KHDRBS2: variants seen among roughly 807,000 people sequenced by gnomAD.
KHDRBS2 encodes KH domain-containing, RNA-binding, signal transduction-associated protein 2.
Under a neutral mutation model 44.3 loss-of-function variants are expected in KHDRBS2, and 26 were observed. The ratio of observed to expected loss-of-function variants is 0.59; its 90% CI spans 0.43 to 0.81. The LOEUF (loss-of-function observed/expected upper bound fraction) is 0.81. Among genes scored for constraint, KHDRBS2 ranks in the 40% least tolerant of loss-of-function variants. The pLI, the probability that KHDRBS2 is intolerant of heterozygous loss-of-function variation, is 0.00. For synonymous variants in KHDRBS2, 194 were observed against 151.1 expected (o/e 1.28, Z -2.08); for missense variants, 476 against 433.1 (o/e 1.10, Z -0.88).
intron 4 of KHDRBS2, among the ~76,000 whole-genome samples, chr6:61,964,515 T>C (rs1769468408): frequency 6.6e-6 from 1 of 152,068 alleles, no homozygotes; most frequent in African/African-American, 2.4e-5. Context: ...CACTAGTGTA[T>C]TTACACATCG....
chr6:61,629,653 T>C, the KHDRBS2 span, among the ~76,000 whole-genome samples: 1 of 152,200 alleles, frequency 6.6e-6, no homozygotes, highest in East Asian at 1.9e-4. Flanking sequence ...ATTAGGTCTA[T>C]ATTTGCTTTA....
At chr6:62,140,963 C>T (rs769796479) in intron 2 of KHDRBS2, among the ~76,000 whole-genome samples, 1 of 152,122 alleles carries the variant, frequency 6.6e-6, no homozygotes, top group Non-Finnish European at 1.5e-5. Flanking sequence ...TTAAAAGTCA[C>T]AGTTTTGAAA....
chr6:62,168,653 T>A (rs1166028074), intron 2 of KHDRBS2, among the ~76,000 whole-genome samples: 5 of 152,194 alleles, frequency 3.3e-5, no homozygotes, highest in Admixed American at 3.3e-4. Context: ...CCAAGGGTAA[T>A]AATTGTCTTC....
At chr6:61,870,940 T>A (rs1426528356) in intron 6 of KHDRBS2, among the ~76,000 whole-genome samples, 1 of 152,162 alleles carries the variant, frequency 6.6e-6, no homozygotes, top group Non-Finnish European at 1.5e-5. Context: ...AAAACCAGAA[T>A]GCCTCTTCTC....
intron 4 of KHDRBS2, among the ~76,000 whole-genome samples, chr6:61,910,835 A>G (rs138514428): frequency 5.3e-5 from 8 of 152,352 alleles, no homozygotes; most frequent in Non-Finnish European, 1.0e-4. Context: ...TGAAAGTAAC[A>G]AGTTCCATTT....
At chr6:62,043,131 T>C (rs1786913011) in intron 3 of KHDRBS2, among the ~76,000 whole-genome samples, 1 of 152,068 alleles carries the variant, frequency 6.6e-6, no homozygotes, top group Admixed American at 6.6e-5. Flanking sequence ...CCCTCTAACC[T>C]TTTTTCTTGG....
the KHDRBS2 span, among the ~76,000 whole-genome samples, chr6:61,603,217 G>A: frequency 6.6e-6 from 1 of 152,086 alleles, no homozygotes; most frequent in Non-Finnish European, 1.5e-5. Flanking sequence ...AACCAGACAG[G>A]CCTTACAGGT....
the KHDRBS2 span, among the ~76,000 whole-genome samples, chr6:61,622,933 AAG>A: frequency 6.6e-6 from 1 of 152,082 alleles, no homozygotes; most frequent in East Asian, 1.9e-4. Flanking sequence ...GACCTAAAGA[AAG>A]AGAGCCAATT....
At chr6:62,222,210 AAGAG>A (rs763335548) in intron 1 of KHDRBS2, among the ~76,000 whole-genome samples, 1 of 151,940 alleles carries the variant, frequency 6.6e-6, no homozygotes, top group Admixed American at 6.6e-5. Flanking sequence ...GAGATGGAAA[AAGAG>A]AGTGAGGGAG....
At chr6:61,942,435 A>T (rs1374438318) in intron 4 of KHDRBS2, among the ~76,000 whole-genome samples, 2 of 152,202 alleles carry the variant, frequency 1.3e-5, no homozygotes, top group East Asian at 3.8e-4. Flanking sequence ...AATGAAGGAA[A>T]AAAAATACTT....
chr6:61,781,069 A>T (rs1055518366), intron 6 of KHDRBS2, among the ~76,000 whole-genome samples: 1 of 152,246 alleles, frequency 6.6e-6, no homozygotes, highest in Non-Finnish European at 1.5e-5. Flanking sequence ...AAAACAGAAC[A>T]TCCCAAACAT....
At chr6:61,561,884 C>G in the KHDRBS2 span, among the ~76,000 whole-genome samples, 1 of 152,144 alleles carries the variant, frequency 6.6e-6, no homozygotes, top group Non-Finnish European at 1.5e-5. Context: ...CCACTCCCAA[C>G]AGCCTACTCT....
intron 1 of KHDRBS2, among the ~76,000 whole-genome samples, chr6:62,270,975 C>T (rs563760066): frequency 4.7e-4 from 71 of 152,152 alleles, no homozygotes; most frequent in Middle Eastern, 6.8e-3. Context: ...TCTACTATAA[C>T]GGTAGCTTTC....
At chr6:61,662,195 A>AAAACTGTCTAGCCATT in the KHDRBS2 span, among the ~76,000 whole-genome samples, 1 of 151,946 alleles carries the variant, frequency 6.6e-6, no homozygotes, top group Non-Finnish European at 1.5e-5. Flanking sequence ...GTCTAGCCAT[A>AAAACTGTCTAGCCATT]TGTAGAAAGC....
At chr6:61,656,587 TC>T in the KHDRBS2 span, among the ~76,000 whole-genome samples, 2 of 151,986 alleles carry the variant, frequency 1.3e-5, no homozygotes, top group East Asian at 3.9e-4. Flanking sequence ...GTAAACTGGC[TC>T]TCTGCAAAAT....
intron 2 of KHDRBS2, among the ~76,000 whole-genome samples, chr6:62,100,848 C>A (rs1177630643): frequency 2.6e-5 from 4 of 152,056 alleles, no homozygotes; most frequent in Non-Finnish European, 5.9e-5. Context: ...GGTCTGTAAC[C>A]AAGCCCATAA....
the KHDRBS2 span, among the ~76,000 whole-genome samples, chr6:61,653,484 T>C: frequency 6.6e-6 from 1 of 152,072 alleles, no homozygotes; most frequent in African/African-American, 2.4e-5. Flanking sequence ...TTCAGTGTTG[T>C]TCAGAATGAG....
chr6:62,077,051 A>G (rs1796482751), intron 2 of KHDRBS2, among the ~76,000 whole-genome samples: 1 of 152,004 alleles, frequency 6.6e-6, no homozygotes, highest in Admixed American at 6.6e-5. Context: ...ACATCTAAAA[A>G]AATATAAAAA....
chr6:62,266,770 T>A (rs1433568899), intron 1 of KHDRBS2, among the ~76,000 whole-genome samples: 1 of 151,966 alleles, frequency 6.6e-6, no homozygotes, highest in South Asian at 2.1e-4. Flanking sequence ...AATAAAGATG[T>A]CAACAGAGAA....
Sources: gnomAD v4.1 joint callset for allele counts (sites outside exome capture counted in the v4.1 genomes callset) on GRCh38, gnomAD v4.1.1 for gene constraint, MANE v1.5 for transcripts, NCBI Gene and HGNC (gene_info 2026-07-23, HGNC 2026-07-21) for gene names.